RPS28: variants seen among roughly 807,000 people sequenced by gnomAD.
RPS28 encodes ribosomal protein S28.
A neutral mutation model predicts 9.4 loss-of-function variants in RPS28; 2 were observed. The observed-to-expected ratio is 0.21, with a 90% CI of 0.09 to 0.67. The LOEUF (loss-of-function observed/expected upper bound fraction) is 0.67, where lower values mean the gene tolerates loss of function less well. RPS28 is among the 30% of genes least tolerant of loss of function. RPS28 has a pLI of 0.82. For synonymous variants in RPS28, 41 were observed against 37.8 expected, an observed-to-expected ratio of 1.08 and a Z score of -0.31; for missense variants, 35 against 95.3, an observed-to-expected ratio of 0.37 and a Z score of 2.63.
intron 2 of RPS28, 60 bp from the exon 3 acceptor site, chr19:8,321,893 C>A: frequency 1.2e-6 from 2 of 1,600,312 alleles, no homozygotes; most frequent in South Asian, 1.1e-5. Context: ...GCTTCCCACT[C>A]CGCGGTGCCT....
At position 8,321,718 on chromosome 19, in the gene RPS28, G is replaced by T. The variant is rs962813682; in HGVS notation, c.87+15G>T. Reference sequence around the variant, plus strand: ...AGTGCACGCAGGTAATCGGGTGGGGGCATTTGGCCGACTGCCGGCGACCTA... The same window carrying T: ...AGTGCACGCAGGTAATCGGGTGGGGTCATTTGGCCGACTGCCGGCGACCTA... On this transcript the variant is annotated intron_variant, in intron 2 of 3. Coordinates refer to ENST00000600659, the MANE Select transcript of RPS28 (RefSeq NM_001031.5). The T allele has an allele frequency of 6.4e-7, 1 of 1,556,992 alleles. No homozygotes were observed. The highest frequency in any genetic ancestry group is 8.7e-7 in the Non-Finnish European group (1 of 1,150,112).
rs1970338077 is a variant in RPS28, at chr19:8,322,618, AG to A, written c.*364del. ...TGTTTTATTAGCAAAGAAGTTTCAG[AG>A]AGTGGGTGGATCAGGGCTCTATCAC... is the stretch of plus-strand genomic sequence containing the variant. On this transcript the variant is annotated 3_prime_UTR_variant, in exon 4 of 4. Transcript: ENST00000600659. 1 of 544,200 alleles carries A rather than the reference AG, an allele frequency of 1.8e-6. No individual in the cohort carries two copies. Among genetic ancestry groups the A allele is most frequent in the African/African-American group, 2.9e-5 (1 of 34,706 alleles). 33.7% of individuals were successfully genotyped at this position (544,200 alleles called of 1,614,324 possible).
chr19:8,322,368 T>C lies in RPS28; in HGVS notation c.*113T>C. On this transcript the variant is annotated 3_prime_UTR_variant, in exon 4 of 4. Transcript: ENST00000600659. ...CGCCACACGTAACTGAGATGCTCCT[T>C]TAAATAAAGCGTTTGTGTTTCAAGT... 1.7e-6 allele frequency: 1 copy of C among 601,710 alleles called. No homozygotes were observed. The highest frequency in any genetic ancestry group is 3.1e-6 in the Non-Finnish European group (1 of 321,588). 37.3% of individuals were successfully genotyped at this position (601,710 alleles called of 1,614,324 possible).
Position 8,322,293 on chromosome 19 carries a change from C to G in RPS28, c.*38C>G. ...ACAGGGTCTTGGATGTCGGGTTCGA[C>G]CACTTGGCCGATGGGAATGGTCTGT... On this transcript the variant is annotated 3_prime_UTR_variant, in exon 4 of 4. Coordinates refer to ENST00000600659, the MANE Select transcript of RPS28 (RefSeq NM_001031.5). 1.4e-6 allele frequency: 1 copy of G among 699,332 alleles called. No individual in the cohort carries two copies. Among genetic ancestry groups the G allele is most frequent in the Non-Finnish European group, 2.6e-6 (1 of 385,482 alleles). The allele number at this position is 699,332 out of a possible 1,614,324, so 43.3% of individuals were successfully genotyped here.
In RPS28 at chr19:8,322,515, G is replaced by T; in HGVS notation, c.*260G>T. 1 of 490,278 alleles carries T rather than the reference G, an allele frequency of 2.0e-6. No homozygotes were observed. The highest frequency in any genetic ancestry group is 3.8e-6 in the Non-Finnish European group (1 of 265,994). 30.4% of individuals were successfully genotyped at this position (490,278 alleles called of 1,614,324 possible). ...TGGCCGTGCGGTCTTGCCAAACGAA[G>T]CTTTTCCTTTTTGAGGCGGGGGGTC... is the stretch of plus-strand genomic sequence containing the variant. On this transcript the variant is annotated 3_prime_UTR_variant, in exon 4 of 4. Transcript: ENST00000600659.
intron 2 of RPS28, 33 bp from the exon 3 acceptor site, chr19:8,321,920 T>G: frequency 5.0e-6 from 8 of 1,610,408 alleles, no homozygotes; most frequent in Non-Finnish European, 6.8e-6. Context: ...GGCCCGCCCT[T>G]ACTTCTTCCT....
Position 8,322,674 on chromosome 19 carries a change from G to C in RPS28, c.*419G>C. The C allele has an allele frequency of 1.6e-6, 1 of 612,176 alleles. No individual in the cohort carries two copies. The allele number at this position is 612,176 out of a possible 1,614,324, so 37.9% of individuals were successfully genotyped here. ...TCCCCACCTCACCTTGGTGGGGCCA[G>C]AGTGAGCCCCTTCCTGCCACAGTCA... is the stretch of plus-strand genomic sequence containing the variant. On this transcript the variant is annotated 3_prime_UTR_variant, in exon 4 of 4. Coordinates refer to ENST00000600659, the MANE Select transcript of RPS28 (RefSeq NM_001031.5).
In RPS28 at chr19:8,322,287, G is replaced by C. The variant is rs1387493513; in HGVS notation, c.*32G>C. 1 of 711,028 alleles carries C rather than the reference G, an allele frequency of 1.4e-6. No individual in the cohort carries two copies. Among genetic ancestry groups the C allele is most frequent in the Non-Finnish European group, 2.5e-6 (1 of 395,622 alleles). The allele number at this position is 711,028 out of a possible 1,614,324, so 44.0% of individuals were successfully genotyped here. ...CTGTTTACAGGGTCTTGGATGTCGGGTTCGACCACTTGGCCGATGGGAATG... is the reference window on the plus strand; with the variant it reads ...CTGTTTACAGGGTCTTGGATGTCGGCTTCGACCACTTGGCCGATGGGAATG... On this transcript the variant is annotated 3_prime_UTR_variant, in exon 4 of 4. Transcript: ENST00000600659.
At position 8,323,071 on chromosome 19, in the gene RPS28, A is replaced by C. The variant is rs1043660778; in HGVS notation, c.*816A>C. The C allele has an allele frequency of 2.0e-6, 1 of 498,566 alleles. No individual in the cohort carries two copies. Among genetic ancestry groups the C allele is most frequent in the Non-Finnish European group, 3.5e-6 (1 of 283,422 alleles). 30.9% of individuals were successfully genotyped at this position (498,566 alleles called of 1,614,324 possible). On this transcript the variant is annotated 3_prime_UTR_variant, in exon 4 of 4. Coordinates refer to ENST00000600659, the MANE Select transcript of RPS28 (RefSeq NM_001031.5). ...CCAACCTCTGCCCCTTCTGACCTGG[A>C]AGAGGCGCTTGACCTTCCTCCCACA...
chr19:8,322,838 C>T lies in RPS28; in HGVS notation c.*583C>T, dbSNP rs1970344081. 1 of 1,604,900 alleles carries T rather than the reference C, an allele frequency of 6.2e-7. No individual in the cohort carries two copies. The highest frequency in any genetic ancestry group is 8.5e-7 in the Non-Finnish European group (1 of 1,175,420). On this transcript the variant is annotated 3_prime_UTR_variant, in exon 4 of 4. Coordinates refer to ENST00000600659, the MANE Select transcript of RPS28 (RefSeq NM_001031.5). ...AGGTGTAGTGAGCCAGACGAGGCAG[C>T]TTACTGAACCTGGGGGTTCTCTCCA...
In RPS28 at chr19:8,322,924, TG is replaced by T; in HGVS notation, c.*671del. On this transcript the variant is annotated 3_prime_UTR_variant, in exon 4 of 4. Coordinates refer to ENST00000600659, the MANE Select transcript of RPS28 (RefSeq NM_001031.5). ...CTGGGAGCCAGGGGGTGACTCGCTC[TG>T]GAGAGAGGGGAAAAGAGGGGGGCCT... The T allele has an allele frequency of 3.3e-6, 5 of 1,498,120 alleles. No homozygotes were observed. In the South Asian group the frequency reaches 6.4e-5, roughly 19 times the overall value. The allele number at this position is 1,498,120 out of a possible 1,614,324, so 92.8% of individuals were successfully genotyped here.
Position 8,322,481 on chromosome 19 carries a change from T to C in RPS28, c.*226T>C. The C allele has an allele frequency of 2.0e-6, 1 of 512,092 alleles. No individual in the cohort carries two copies. The highest frequency in any genetic ancestry group is 3.7e-6 in the Non-Finnish European group (1 of 272,498). 31.7% of individuals were successfully genotyped at this position (512,092 alleles called of 1,614,324 possible). On this transcript the variant is annotated 3_prime_UTR_variant, in exon 4 of 4. Transcript: ENST00000600659. ...AGGCGGTCACCGATCCTCCGCACTC[T>C]GGAAATCCTGGCCGTGCGGTCTTGC...
intron 1 of RPS28, 36 bp from the exon 2 acceptor site, chr19:8,321,620 A>T: frequency 6.4e-7 from 1 of 1,561,736 alleles, no homozygotes; most frequent in Non-Finnish European, 8.7e-7. Flanking sequence ...AGAGGAGCCA[A>T]ACGGGCCGGG....
Sources: gnomAD v4.1 joint callset for allele counts on GRCh38, gnomAD v4.1.1 for gene constraint, MANE v1.5 for transcripts, NCBI Gene and HGNC (gene_info 2026-07-23, HGNC 2026-07-21) for gene names.